CRIM1: variants seen among roughly 807,000 people sequenced by gnomAD.
CRIM1 encodes the protein cysteine-rich motor neuron 1 protein.
A neutral mutation model predicts 116.4 loss-of-function variants in CRIM1; 32 were observed. The ratio of observed to expected loss-of-function variants is 0.27; its 90% CI spans 0.21 to 0.37. The LOEUF is 0.37. CRIM1 is among the 10% of genes least tolerant of loss of function. The pLI is 1.00. For missense variants in CRIM1, 1,331 were observed against 1,354.8 expected (o/e 0.98, Z 0.28); for synonymous variants, 590 against 509.2 (o/e 1.16, Z -2.13).
At chr2:36,459,748 A>G (rs921423996) in intron 4 of CRIM1, among the ~76,000 whole-genome samples, 2 of 152,046 alleles carry the variant, frequency 1.3e-5, no homozygotes, top group African/African-American at 4.8e-5. Flanking sequence ...GGCTGGAGTG[A>G]TAAGGGGTGG....
chr2:36,413,996 A>C (rs973721116), intron 2 of CRIM1, among the ~76,000 whole-genome samples: 4 of 152,228 alleles, frequency 2.6e-5, no homozygotes, highest in African/African-American at 9.6e-5. Flanking sequence ...ACATCTTCAT[A>C]TATTTGTGTT....
At chr2:36,538,753 C>T (rs1666735010) in intron 14 of CRIM1, among the ~76,000 whole-genome samples, 1 of 152,054 alleles carries the variant, frequency 6.6e-6, no homozygotes, top group Non-Finnish European at 1.5e-5. Flanking sequence ...TATAGTTTTC[C>T]ATATACACAC....
At chr2:36,444,702 G>A (rs1676109204) in intron 4 of CRIM1, among the ~76,000 whole-genome samples, 1 of 152,192 alleles carries the variant, frequency 6.6e-6, no homozygotes, top group Admixed American at 6.5e-5. Flanking sequence ...TTTCCTGTAT[G>A]TCAGATCATC....
intron 11 of CRIM1, 100 bp downstream of exon 11, chr2:36,513,865 C>T (rs1213864294): frequency 6.9e-6 from 7 of 1,016,894 alleles, no homozygotes; most frequent in Non-Finnish European, 1.0e-5. Flanking sequence ...GAGGGGACAA[C>T]CCCTGGAACA....
At chr2:36,358,251 T>G (rs766455286) in intron 1 of CRIM1, among the ~76,000 whole-genome samples, 5 of 152,186 alleles carry the variant, frequency 3.3e-5, no homozygotes, top group Non-Finnish European at 5.9e-5. Context: ...TCTGATACCA[T>G]TGTATGTGTT....
chr2:36,542,831 A>T (rs1243145461), intron 14 of CRIM1, among the ~76,000 whole-genome samples: 1 of 152,080 alleles, frequency 6.6e-6, no homozygotes, highest in Non-Finnish European at 1.5e-5. Flanking sequence ...ATTAAATACC[A>T]TCCCCCTGCA....
At chr2:36,438,130 C>CAA (rs200633505) in intron 2 of CRIM1, among the ~76,000 whole-genome samples, 78 of 100,388 alleles carry the variant, frequency 7.8e-4, no homozygotes, top group East Asian at 1.9e-3. Context: ...GACTCCATCT[C>CAA]AAAAAAAAAA....
At chr2:36,501,485 A>C (rs1468493476) in intron 8 of CRIM1, among the ~76,000 whole-genome samples, 3 of 152,040 alleles carry the variant, frequency 2.0e-5, no homozygotes, top group Non-Finnish European at 2.9e-5. Context: ...TTGGGAGGCT[A>C]AGGTGGATGG....
At chr2:36,524,462 AG>A (rs1255644968) in intron 13 of CRIM1, among the ~76,000 whole-genome samples, 5 of 152,080 alleles carry the variant, frequency 3.3e-5, no homozygotes, top group Non-Finnish European at 7.4e-5. Flanking sequence ...TTAAGTTCAG[AG>A]GTACAAGTGC....
intron 4 of CRIM1, among the ~76,000 whole-genome samples, chr2:36,453,253 TG>T (rs1676874535): frequency 6.6e-6 from 1 of 152,254 alleles, no homozygotes; most frequent in African/African-American, 2.4e-5. Flanking sequence ...TGGTTTCTCT[TG>T]GCCTTGGTCA....
chr2:36,518,806 C>A (rs17480811), intron 12 of CRIM1, among the ~76,000 whole-genome samples: 4,828 of 152,230 alleles, frequency 0.032, 90 homozygotes, highest in African/African-American at 0.065. Flanking sequence ...ACTTACATCA[C>A]CTTGGTAGAA....
chr2:36,462,306 A>G (rs1315552949), intron 4 of CRIM1, among the ~76,000 whole-genome samples: 5 of 152,248 alleles, frequency 3.3e-5, no homozygotes, highest in African/African-American at 4.8e-5. Context: ...CTTCACCTCT[A>G]TGCAATATAT....
At chr2:36,523,564 T>C (rs1351695967) in intron 13 of CRIM1, among the ~76,000 whole-genome samples, 5 of 152,230 alleles carry the variant, frequency 3.3e-5, no homozygotes, top group African/African-American at 1.2e-4. Flanking sequence ...TTTAACGCTT[T>C]TGTGTCCAGT....
chr2:36,479,832 C>A, intron 7 of CRIM1, 138 bp downstream of exon 7: 1 of 743,124 alleles, frequency 1.3e-6, no homozygotes, highest in Non-Finnish European at 2.3e-6. Flanking sequence ...ACAAATTTAT[C>A]AAACAGCTCA....
At chr2:36,506,852 T>C (rs1681466158) in intron 8 of CRIM1, among the ~76,000 whole-genome samples, 1 of 152,054 alleles carries the variant, frequency 6.6e-6, no homozygotes. Flanking sequence ...TTATTTATGT[T>C]TTTATTTATT....
At chr2:36,509,839 C>T in intron 8 of CRIM1, 144 bp from the exon 9 acceptor site, 2 of 678,662 alleles carry the variant, frequency 2.9e-6, no homozygotes, top group Non-Finnish European at 4.9e-6. Context: ...ACAGTCTATG[C>T]TTTTTAATGA....
intron 5 of CRIM1, among the ~76,000 whole-genome samples, chr2:36,468,318 G>T (rs1678209703): frequency 6.6e-6 from 1 of 152,140 alleles, no homozygotes; most frequent in Non-Finnish European, 1.5e-5. Context: ...CGTGAGTTTT[G>T]AAAACACTAG....
At chr2:36,429,713 C>A (rs958721915) in intron 2 of CRIM1, among the ~76,000 whole-genome samples, 1 of 152,198 alleles carries the variant, frequency 6.6e-6, no homozygotes, top group African/African-American at 2.4e-5. Flanking sequence ...GCCTAGACAG[C>A]AGCATCAGGA....
At chr2:36,405,308 C>G (rs1672702253) in intron 2 of CRIM1, among the ~76,000 whole-genome samples, 1 of 152,160 alleles carries the variant, frequency 6.6e-6, no homozygotes, top group Admixed American at 6.5e-5. Context: ...ATGTTCCTGC[C>G]ACTAGAACCG....
Sources: allele counts gnomAD v4.1 joint callset (sites outside exome capture counted in the v4.1 genomes callset), GRCh38; gene constraint gnomAD v4.1.1; transcripts MANE v1.5; gene names NCBI Gene and HGNC (gene_info 2026-07-23, HGNC 2026-07-21).